CDKL1: variants seen among roughly 807,000 people sequenced by gnomAD.
The protein encoded by CDKL1 is cyclin-dependent kinase-like 1.
A neutral mutation model predicts 42.0 loss-of-function variants in CDKL1; 41 were observed. The observed-to-expected ratio is 0.98, with a 90% CI of 0.76 to 1.27. CDKL1 has a LOEUF of 1.27. Ranked by LOEUF, CDKL1 falls within the 50% of genes most tolerant of loss-of-function variation. The probability of loss-of-function intolerance (pLI) is 0.00; values close to 1 mark genes in which losing one functional copy is unlikely to be tolerated. For synonymous variants in CDKL1, 153 were observed against 158.6 expected, an observed-to-expected ratio of 0.96 and a Z score of 0.26; for missense variants, 394 against 428.4, an observed-to-expected ratio of 0.92 and a Z score of 0.71.
chr14:50,380,932 G>T (rs2034888711), intron 2 of CDKL1, among the ~76,000 whole-genome samples: 1 of 151,966 alleles, frequency 6.6e-6, no homozygotes. Flanking sequence ...CTCCCAAATA[G>T]CTGTGACTAC....
intron 2 of CDKL1, among the ~76,000 whole-genome samples, chr14:50,381,183 T>C (rs1272479459): frequency 6.6e-6 from 1 of 152,190 alleles, no homozygotes; most frequent in Non-Finnish European, 1.5e-5. Flanking sequence ...TGCCCTACTA[T>C]TCAGGCCATA....
At chr14:50,351,543 G>A (rs1400189426) in intron 3 of CDKL1, among the ~76,000 whole-genome samples, 1 of 151,982 alleles carries the variant, frequency 6.6e-6, no homozygotes, top group Admixed American at 6.6e-5. Flanking sequence ...AGACCAGCCT[G>A]GGCAACATGG....
intron 7 of CDKL1, chr14:50,335,888 G>T (rs565146381): frequency 3.2e-5 from 41 of 1,265,402 alleles, no homozygotes; most frequent in Non-Finnish European, 4.0e-5. Context: ...GGAGAGAAGA[G>T]CCTCTGTTTC....
intron 9 of CDKL1, chr14:50,330,980 A>G (rs371389245): frequency 2.0e-5 from 3 of 152,420 alleles, no homozygotes; most frequent in African/African-American, 7.2e-5. Flanking sequence ...CATGCCTGTA[A>G]TCCCAGCACT....
intron 7 of CDKL1, chr14:50,335,422 G>T: frequency 7.0e-7 from 1 of 1,437,932 alleles, no homozygotes; most frequent in Non-Finnish European, 9.4e-7. Flanking sequence ...AAACACTGTT[G>T]TCTCCTCCCA....
At chr14:50,363,574 C>T (rs1381359513) in intron 2 of CDKL1, among the ~76,000 whole-genome samples, 3 of 152,198 alleles carry the variant, frequency 2.0e-5, no homozygotes, top group Non-Finnish European at 4.4e-5. Flanking sequence ...ACTATTTGCT[C>T]CCTTGACAGG....
At chr14:50,360,132 T>C (rs2034192805) in intron 2 of CDKL1, among the ~76,000 whole-genome samples, 1 of 152,160 alleles carries the variant, frequency 6.6e-6, no homozygotes, top group Non-Finnish European at 1.5e-5. Flanking sequence ...CCAGATAATT[T>C]TCCATAAGAA....
intron 2 of CDKL1, among the ~76,000 whole-genome samples, chr14:50,370,461 G>A (rs974061859): frequency 6.6e-6 from 1 of 152,090 alleles, no homozygotes; most frequent in African/African-American, 2.4e-5. Context: ...TATTCCTCTT[G>A]TCTAAGATTT....
At chr14:50,369,270 A>G (rs1325369674) in intron 2 of CDKL1, among the ~76,000 whole-genome samples, 2 of 152,076 alleles carry the variant, frequency 1.3e-5, no homozygotes, top group Admixed American at 1.3e-4. Context: ...TGTGGCACTT[A>G]TGAGCTAGGG....
At chr14:50,372,737 G>T (rs2034624405) in intron 2 of CDKL1, among the ~76,000 whole-genome samples, 1 of 152,094 alleles carries the variant, frequency 6.6e-6, no homozygotes, top group Non-Finnish European at 1.5e-5. Context: ...CAGTTTCATT[G>T]TTCTGCATGT....
upstream of CDKL1, chr14:50,397,047 G>T: frequency 7.6e-7 from 1 of 1,309,054 alleles, no homozygotes; most frequent in East Asian, 5.3e-5. Context: ...GTCCATGGGA[G>T]CTGTCCTGAC....
At chr14:50,370,025 C>CT (rs112624842) in intron 2 of CDKL1, among the ~76,000 whole-genome samples, 40 of 150,518 alleles carry the variant, frequency 2.7e-4, no homozygotes, top group African/African-American at 6.6e-4. Flanking sequence ...AAATACTTAC[C>CT]TTTTTTTTTG....
rs1353987594 is a variant in CDKL1, at chr14:50,383,988, A to G, written c.168+11713T>C. Among the ~76,000 whole-genome samples the G allele has an allele frequency of 1.3e-5, 2 of 152,264 alleles. 1 individual carries two copies. Among genetic ancestry groups the G allele is most frequent in the East Asian group, 3.8e-4 (2 of 5,208 alleles). On this transcript the variant is annotated intron_variant, in intron 2 of 9. Transcript: ENST00000395834. ...ACCAAAAATCTTCTAATAAACAAAC[A>G]AAACAGCCTGTTACTATTTGCAGTT...
intron 3 of CDKL1, among the ~76,000 whole-genome samples, chr14:50,354,960 C>A (rs2034013844): frequency 6.6e-6 from 1 of 151,934 alleles, no homozygotes; most frequent in Non-Finnish European, 1.5e-5. Flanking sequence ...CAATAACAAT[C>A]ATAACTCATC....
rs11570858 is a variant in CDKL1, at chr14:50,334,515, G to A, written c.795+50C>T. 4.3e-3 allele frequency: 4,294 copies of A among 1,004,978 alleles called. 118 individuals carry two copies. The African/African-American group carries it at 0.061, about 14-fold the overall frequency. The allele number at this position is 1,004,978 out of a possible 1,614,324, so 62.3% of individuals were successfully genotyped here. ...ACATAAGTAATTCAGATTCCCCAGT[G>A]ATGACAACTGCTGTGTGCTTCCTGG... On this transcript the variant is annotated intron_variant, in intron 8 of 9. Coordinates refer to ENST00000395834, the MANE Select transcript of CDKL1 (RefSeq NM_004196.7).
chr14:50,336,988 T>A (rs2033314295), intron 7 of CDKL1, among the ~76,000 whole-genome samples: 1 of 152,150 alleles, frequency 6.6e-6, no homozygotes, highest in Non-Finnish European at 1.5e-5. Flanking sequence ...AAATTATACA[T>A]ACTGGTTTTT....
Position 50,335,858 on chromosome 14 carries a change from A to G in CDKL1, c.739-1237T>C, listed in dbSNP as rs553324461. On this transcript the variant is annotated intron_variant, in intron 7 of 9. Transcript: ENST00000395834. ...ATAACCAATTCTGGATTGTACACAT[A>G]CTAATCATTGATAAGAGTAGGAGAG... The G allele has an allele frequency of 4.7e-6, 6 of 1,280,054 alleles. No individual in the cohort carries two copies. The South Asian group carries it at 7.6e-5, about 16-fold the overall frequency. The allele number at this position is 1,280,054 out of a possible 1,614,324, so 79.3% of individuals were successfully genotyped here. A position where few individuals can be genotyped will look rare whatever the true frequency, so the allele number is the denominator to read the frequency against.
Position 50,326,328 on chromosome 14 carries a change from G to A in CDKL1, c.*3746C>T. On this transcript the variant is annotated 3_prime_UTR_variant, in exon 10 of 10. Transcript: ENST00000395834. ...AGATATCTCTTGATGTAGATATTTA[G>A]AATCCTTTAAAGTTATTTGTACAAC... The A allele has an allele frequency of 1.4e-6, 1 of 698,286 alleles. No individual in the cohort carries two copies. The highest frequency in any genetic ancestry group is 7.5e-4 in the Middle Eastern group (1 of 1,336). The allele number at this position is 698,286 out of a possible 1,614,324, so 43.3% of individuals were successfully genotyped here.
chr14:50,358,881 C>A, intron 3 of CDKL1, 147 bp downstream of exon 3: 2 of 616,702 alleles, frequency 3.2e-6, no homozygotes, highest in Middle Eastern at 4.3e-4. Flanking sequence ...CTCAGATGAT[C>A]CACCCGTCTA....
Sources: gnomAD v4.1 joint callset for allele counts (sites outside exome capture counted in the v4.1 genomes callset) on GRCh38, gnomAD v4.1.1 for gene constraint, MANE v1.5 for transcripts, NCBI Gene and HGNC (gene_info 2026-07-23, HGNC 2026-07-21) for gene names.